The following MARCHF10 variants were observed in gnomAD, a reference collection of about 807,000 sequenced individuals.
The protein encoded by MARCHF10 is membrane associated ring-CH-type finger 10.
A neutral mutation model predicts 76.2 loss-of-function variants in MARCHF10; 64 were observed. The observed-to-expected ratio is 0.84, with a 90% CI of 0.69 to 1.03. The LOEUF is 1.03. Ranked by LOEUF, MARCHF10 falls within the 50% of genes least tolerant of loss-of-function variation. The probability of loss-of-function intolerance (pLI) is 0.00; values close to 1 mark genes in which losing one functional copy is unlikely to be tolerated. For synonymous variants in MARCHF10, 340 were observed against 357.5 expected, an observed-to-expected ratio of 0.95 and a Z score of 0.55; for missense variants, 875 against 958.0, an observed-to-expected ratio of 0.91 and a Z score of 1.14.
At chr17:62,757,519 A>G (rs2092080692) in intron 4 of MARCHF10, among the ~76,000 whole-genome samples, 1 of 152,162 alleles carries the variant, frequency 6.6e-6, no homozygotes, top group Non-Finnish European at 1.5e-5. Flanking sequence ...TCATTTCACT[A>G]TGCTAATTAG....
At chr17:62,799,816 G>A (rs528927054) in intron 2 of MARCHF10, among the ~76,000 whole-genome samples, 24 of 151,628 alleles carry the variant, frequency 1.6e-4, no homozygotes, top group South Asian at 4.2e-4. Context: ...TGACACTTCC[G>A]TACTTTCCCT....
intron 2 of MARCHF10, among the ~76,000 whole-genome samples, chr17:62,794,508 C>T (rs1168737255): frequency 6.6e-6 from 1 of 152,194 alleles, no homozygotes; most frequent in Non-Finnish European, 1.5e-5. Context: ...TTCCTATACC[C>T]CAGCCAGCCA....
intron 6 of MARCHF10, among the ~76,000 whole-genome samples, chr17:62,730,787 G>A (rs1371732953): frequency 2.0e-5 from 3 of 151,918 alleles, no homozygotes; most frequent in African/African-American, 4.8e-5. Flanking sequence ...CCAGCTACTC[G>A]GGAGGCTGAG....
intron 7 of MARCHF10, 124 bp downstream of exon 7, chr17:62,724,813 CG>C: frequency 1.0e-6 from 1 of 988,088 alleles, no homozygotes; most frequent in Non-Finnish European, 1.5e-6. Context: ...AGCTCAGCCA[CG>C]TGTCCCTGAG....
At chr17:62,709,880 A>G (rs1175345325) in intron 9 of MARCHF10, among the ~76,000 whole-genome samples, 1 of 151,894 alleles carries the variant, frequency 6.6e-6, no homozygotes, top group African/African-American at 2.4e-5. Context: ...GTGCCTCTTA[A>G]CTGGTTATCT....
chr17:62,713,511 C>T (rs1229657720), intron 8 of MARCHF10, among the ~76,000 whole-genome samples: 3 of 152,306 alleles, frequency 2.0e-5, no homozygotes, highest in African/African-American at 7.2e-5. Flanking sequence ...TCAATCTCGC[C>T]GGCTCGGTTC....
intron 3 of MARCHF10, among the ~76,000 whole-genome samples, chr17:62,778,295 C>T (rs1483070352): frequency 4.6e-5 from 7 of 152,014 alleles, no homozygotes; most frequent in Non-Finnish European, 7.4e-5. Context: ...GGGTACCTTG[C>T]GAAGGTATCT....
Position 62,738,349 on chromosome 17 carries a change from C to T in MARCHF10, c.536-1017G>A, listed in dbSNP as rs955138798. On this transcript the variant is annotated intron_variant, in intron 5 of 10. Coordinates refer to ENST00000311269, the MANE Select transcript of MARCHF10 (RefSeq NM_152598.4). The surrounding 1 kb of genome is among the most constrained non-coding windows in gnomAD (Gnocchi z 4.0). ...GAAAATGAGAATCCATTGAATTCAT[C>T]GTGGTGTGTGTGTGCTGTTGAGGGT... 8.5e-5 allele frequency among the ~76,000 whole-genome samples: 13 copies of T among 152,142 alleles called. No individual in the cohort carries two copies. The highest frequency in any genetic ancestry group is 1.8e-4 in the Non-Finnish European group (12 of 68,028).
chr17:62,704,328 C>CG (rs952586598), intron 10 of MARCHF10, among the ~76,000 whole-genome samples: 8 of 151,986 alleles, frequency 5.3e-5, no homozygotes, highest in Admixed American at 3.9e-4. Flanking sequence ...GCTGGAGGCC[C>CG]GGGGGGGCGA....
intron 1 of MARCHF10, among the ~76,000 whole-genome samples, chr17:62,805,491 G>A (rs573726522): frequency 1.3e-5 from 2 of 152,150 alleles, no homozygotes; most frequent in Non-Finnish European, 1.5e-5. Flanking sequence ...ATAGAAAGCC[G>A]GTTAATCTAT....
Position 62,759,961 on chromosome 17 carries a change from T to C in MARCHF10, c.256A>G (p.Lys86Glu). 6.2e-7 allele frequency: 1 copy of C among 1,614,108 alleles called. No homozygotes were observed. The highest frequency in any genetic ancestry group is 8.5e-7 in the Non-Finnish European group (1 of 1,179,994). The change falls in exon 4 of 11, where the codon AAG becomes GAG. Residue 86 changes from lysine to glutamate, a missense_variant. Lys to Glu is a moderately conservative substitution (Grantham distance 56, BLOSUM62 1). Coordinates refer to ENST00000311269, the MANE Select transcript of MARCHF10 (RefSeq NM_152598.4). ...GAGTCACACTTAAATGCAGATATCT[T>C]GATAGATGACCTTGGTTCAGTTAGA... Reference protein sequence around the residue: ...DALTEPRSSIKISAFKCDSKL... With the variant: ...DALTEPRSSIEISAFKCDSKL...
chr17:62,747,169 C>T (rs1389719294), intron 4 of MARCHF10, among the ~76,000 whole-genome samples: 1 of 152,144 alleles, frequency 6.6e-6, no homozygotes, highest in Non-Finnish European at 1.5e-5. Flanking sequence ...ATTGCCTTGT[C>T]GTGCAGGACA....
At position 62,705,555 on chromosome 17, in the gene MARCHF10, T is replaced by C; in HGVS notation, c.2355A>G (p.Arg785=). The change falls in exon 10 of 11, where the codon AGA becomes AGG. Residue 785 remains arginine, a synonymous_variant. Coordinates refer to ENST00000311269, the MANE Select transcript of MARCHF10 (RefSeq NM_152598.4). ...ERLSRNYPQP[R]TEENENSELG... ...AAAACCTACTTTCATTTTCCTCTGT[T>C]CTGGGTTGTGGGTAATTTCTTGACA... The C allele has an allele frequency of 6.2e-7, 1 of 1,614,128 alleles. No individual in the cohort carries two copies. Among genetic ancestry groups the C allele is most frequent in the Non-Finnish European group, 8.5e-7 (1 of 1,180,024 alleles).
chr17:62,741,862 T>C (rs905937114), intron 5 of MARCHF10, among the ~76,000 whole-genome samples: 15 of 148,032 alleles, frequency 1.0e-4, no homozygotes, highest in African/African-American at 3.5e-4. Context: ...GCCTGGCTAA[T>C]TTTTTTTTTG....
chr17:62,793,490 TCAC>T (rs1158412681), intron 2 of MARCHF10, among the ~76,000 whole-genome samples: 16 of 65,654 alleles, frequency 2.4e-4, no homozygotes, highest in African/African-American at 9.3e-4. Flanking sequence ...ACCACCTCCA[TCAC>T]CACCACCACC....
At chr17:62,761,390 T>C (rs1435026855) in intron 3 of MARCHF10, among the ~76,000 whole-genome samples, 1 of 152,226 alleles carries the variant, frequency 6.6e-6, no homozygotes, top group Non-Finnish European at 1.5e-5. Flanking sequence ...CTCTGAAATG[T>C]CAAAGATGAA....
chr17:62,795,039 G>A, intron 2 of MARCHF10: 1 of 985,272 alleles, frequency 1.0e-6, no homozygotes, highest in Non-Finnish European at 1.2e-6. Flanking sequence ...GAGCCAGGAG[G>A]AGAATCCCTC....
At chr17:62,727,080 G>C (rs1004480134) in intron 6 of MARCHF10, among the ~76,000 whole-genome samples, 9 of 152,184 alleles carry the variant, frequency 5.9e-5, no homozygotes, top group African/African-American at 2.2e-4. Context: ...TAGAGGTTCT[G>C]GTTCAGTATC....
intron 3 of MARCHF10, among the ~76,000 whole-genome samples, chr17:62,769,194 T>C (rs906536483): frequency 5.3e-5 from 8 of 152,190 alleles, no homozygotes; most frequent in African/African-American, 1.4e-4. Flanking sequence ...CTGTGTTTGA[T>C]CTATAGGATA....
Sources: gnomAD v4.1 joint callset for allele counts (sites outside exome capture counted in the v4.1 genomes callset) on GRCh38, gnomAD v4.1.1 for gene constraint, Gnocchi (gnomAD v3.1) non-coding constraint, MANE v1.5 for transcripts, NCBI Gene and HGNC (gene_info 2026-07-23, HGNC 2026-07-21) for gene names.